Variants in BRF1 observed in about 807,000 individuals in gnomAD.
The protein encoded by BRF1 is transcription factor IIIB 90 kDa subunit.
BRF1 carries 59 observed loss-of-function variants against 81.7 expected under a neutral mutation model. The ratio of observed to expected loss-of-function variants is 0.72; its 90% CI spans 0.59 to 0.90. The LOEUF (loss-of-function observed/expected upper bound fraction) is 0.90, where lower values mean the gene tolerates loss of function less well. Ranked by LOEUF, BRF1 falls within the 40% of genes least tolerant of loss-of-function variation. The pLI, the probability that BRF1 is intolerant of heterozygous loss-of-function variation, is 0.00. For missense variants in BRF1, 1,050 were observed against 936.3 expected (o/e 1.12, Z -1.58); for synonymous variants, 491 against 395.6 (o/e 1.24, Z -2.86).
At position 105,217,597 on chromosome 14, in the gene BRF1, C is replaced by T. The variant is rs1566800558; in HGVS notation, c.1719G>A (p.Arg573=). ...CCCCACTTCTGCTGGCCGGCGTCCT[C>T]CTTCGTGACAGCTTCCTGGCACTGG... ...HSASARKLSR[R]RTPASRSGAD... Residue 573 remains arginine (R), a synonymous_variant, in exon 15 of 18, where the codon AGG becomes AGA. Coordinates refer to ENST00000547530, the MANE Select transcript of BRF1 (RefSeq NM_001519.4). The T allele has an allele frequency of 1.9e-6, 3 of 1,613,504 alleles. No homozygotes were observed. The highest frequency in any genetic ancestry group is 1.3e-5 in the African/African-American group (1 of 75,074).
rs1889958930 is a variant in BRF1, at chr14:105,210,642, A to G, written c.1997-54T>C. On this transcript the variant is annotated intron_variant, in intron 17 of 17. Transcript: ENST00000547530. The surrounding 1 kb of genome is among the most constrained non-coding windows in gnomAD (Gnocchi z 4.7). ...GGGTCTCTGTGGGACCCAGGAGCCC[A>G]GACCCCCCAACCCGCCCTGTTCCTG... 3 of 1,596,790 alleles carry G rather than the reference A, an allele frequency of 1.9e-6. No individual in the cohort carries two copies. The East Asian group carries it at 6.7e-5, about 36-fold the overall frequency.
At position 105,241,338 on chromosome 14, in the gene BRF1, G is replaced by C. The variant is rs1369792499; in HGVS notation, c.621C>G (p.Ala207=). The change falls in exon 6 of 18, where the codon GCC becomes GCG. Residue 207 remains alanine, a synonymous_variant. Transcript: ENST00000547530. ...GEKNHEVSMT[A]LRLLQRMKRD... ...GCTTCATCCTCTGTAGGAGCCTCAG[G>C]GCAGTCATGGACACCTCGTGGTTCT... is the stretch of plus-strand genomic sequence containing the variant. 1.2e-6 allele frequency: 2 copies of C among 1,612,786 alleles called. No individual in the cohort carries two copies. The highest frequency in any genetic ancestry group is 2.2e-5 in the East Asian group (1 of 44,886).
Position 105,210,370 on chromosome 14 carries a change from C to T in BRF1, c.*181G>A, listed in dbSNP as rs1179571173. 6 of 664,380 alleles carry T rather than the reference C, an allele frequency of 9.0e-6. No individual in the cohort carries two copies. The highest frequency in any genetic ancestry group is 1.5e-5 in the Non-Finnish European group (6 of 390,820). The allele number at this position is 664,380 out of a possible 1,614,324, so 41.2% of individuals were successfully genotyped here. A position where few individuals can be genotyped will look rare whatever the true frequency, so the allele number is the denominator to read the frequency against. On this transcript the variant is annotated 3_prime_UTR_variant, in exon 18 of 18. Transcript: ENST00000547530. The surrounding 1 kb of genome is among the most constrained non-coding windows in gnomAD (Gnocchi z 4.7). ...CAGACGCTTGGTCCGGTTTCCCTTG[C>T]TGAATAGAAACACAATCCCAATGGT...
intron 5 of BRF1, chr14:105,248,083 G>A: frequency 2.0e-6 from 2 of 985,422 alleles, no homozygotes; most frequent in Non-Finnish European, 2.4e-6. Context: ...ACCTCTCTGT[G>A]CCTATTTCCT....
upstream of BRF1, among the ~76,000 whole-genome samples, chr14:105,304,055 C>T (rs369839520): frequency 6.6e-6 from 1 of 152,214 alleles, no homozygotes; most frequent in East Asian, 1.9e-4. Flanking sequence ...GAGGTGCCTG[C>T]AGGTGCAAGG....
intron 1 of BRF1, chr14:105,314,788 C>T (rs1163970298): frequency 4.7e-6 from 1 of 212,316 alleles, no homozygotes; most frequent in Non-Finnish European, 7.9e-6. Context: ...ACGCCGGGGC[C>T]CGGCCCGTCC....
intron 11 of BRF1, 57 bp downstream of exon 11, chr14:105,221,591 A>G: frequency 6.4e-7 from 1 of 1,570,036 alleles, no homozygotes; most frequent in Non-Finnish European, 8.6e-7. Flanking sequence ...TGAGAGGCAC[A>G]CGCCTGAAAG....
At chr14:105,277,570 G>A (rs930115906) in intron 2 of BRF1, among the ~76,000 whole-genome samples, 1 of 145,068 alleles carries the variant, frequency 6.9e-6, no homozygotes, top group African/African-American at 2.5e-5. Flanking sequence ...CTGAGAGGCG[G>A]CCCTCACTAG....
At chr14:105,216,988 C>T (rs947313184) in intron 15 of BRF1, among the ~76,000 whole-genome samples, 2 of 152,216 alleles carry the variant, frequency 1.3e-5, no homozygotes, top group South Asian at 2.1e-4. Context: ...CGCCACCCAG[C>T]GGCAAGCTGT....
Position 105,211,198 on chromosome 14 carries a change from C to T in BRF1, c.1920G>A (p.Glu640=), listed in dbSNP as rs377051978. ...CGTCAGGCTCCTCCTCGTCAGCCTCCTCGTCGGCGTGGTATGACACGGGCC... is the reference window on the plus strand; with the variant it reads ...CGTCAGGCTCCTCCTCGTCAGCCTCTTCGTCGGCGTGGTATGACACGGGCC... ...ESGPVSYHAD[E]EADEEEPDEE... Residue 640 remains glutamate (E), a synonymous_variant, in exon 17 of 18, where the codon GAG becomes GAA. Transcript: ENST00000547530. The T allele has an allele frequency of 6.2e-7, 1 of 1,612,190 alleles. No homozygotes were observed. Among genetic ancestry groups the T allele is most frequent in the African/African-American group, 1.3e-5 (1 of 75,050 alleles).
chr14:105,312,931 T>C (rs116161850), intron 1 of BRF1, among the ~76,000 whole-genome samples: 2,766 of 152,314 alleles, frequency 0.018, 87 homozygotes, highest in African/African-American at 0.061. Flanking sequence ...GTGTGGGTCA[T>C]ATCCCGACCC....
intron 1 of BRF1, among the ~76,000 whole-genome samples, chr14:105,296,794 A>G (rs2057765744): frequency 6.6e-6 from 1 of 152,198 alleles, no homozygotes; most frequent in Non-Finnish European, 1.5e-5. Flanking sequence ...AGCAATGAAG[A>G]GTTGAAAACT....
chr14:105,226,181 GC>G lies in BRF1; in HGVS notation c.956-21del. 1 of 1,613,866 alleles carries G rather than the reference GC, an allele frequency of 6.2e-7. No individual in the cohort carries two copies. The highest frequency in any genetic ancestry group is 1.1e-5 in the South Asian group (1 of 91,088). On this transcript the variant is annotated intron_variant, in intron 9 of 17. Transcript: ENST00000547530. The stretch of plus-strand genomic sequence containing the variant: ...TTTCACCTGAAGTCATAAGTTAAAA[GC>G]AAAAAGTCAGCATAAAATCAATTTT...
rs370559216 is a variant in BRF1, at chr14:105,249,292, C to T, written c.544+3215G>A. 2.9e-5 allele frequency: 45 copies of T among 1,571,528 alleles called. No individual in the cohort carries two copies. The African/African-American group carries it at 3.8e-4, about 13-fold the overall frequency. On this transcript the variant is annotated intron_variant, in intron 5 of 17. Transcript: ENST00000547530. Reference sequence around the variant, plus strand: ...CTCGGAACGCGTGCCCCGTCCGCCCCGTCCGCCGTGTGGCTGACACGCAGC... The same window carrying T: ...CTCGGAACGCGTGCCCCGTCCGCCCTGTCCGCCGTGTGGCTGACACGCAGC...
At chr14:105,224,086 T>C (rs587770140) in intron 10 of BRF1, among the ~76,000 whole-genome samples, 1 of 152,362 alleles carries the variant, frequency 6.6e-6, no homozygotes, top group Admixed American at 6.5e-5. Flanking sequence ...TAAAAATCCA[T>C]CTGTAGCTGA....
chr14:105,283,059 T>C (rs1027184113), intron 2 of BRF1, among the ~76,000 whole-genome samples: 12 of 152,148 alleles, frequency 7.9e-5, no homozygotes, highest in African/African-American at 2.9e-4. Context: ...TCTCCAGAAG[T>C]ATTTGAAAAA....
intron 7 of BRF1, chr14:105,227,501 G>A (rs1893313616): frequency 6.6e-6 from 1 of 152,376 alleles, no homozygotes; most frequent in African/African-American, 2.4e-5. Context: ...TGGCACTCAG[G>A]CCTTGCCCCT....
chr14:105,241,600 A>C, intron 5 of BRF1, 186 bp from the exon 6 acceptor site: 1 of 765,442 alleles, frequency 1.3e-6, no homozygotes. Context: ...CACCGAACCC[A>C]GGAGAGCCAC....
rs587724899 is a variant in BRF1, at chr14:105,278,942, G to A, written c.266-6048C>T. Among the ~76,000 whole-genome samples, 4 of 152,256 alleles carry A rather than the reference G, an allele frequency of 2.6e-5. No individual in the cohort carries two copies. The South Asian group carries it at 8.3e-4, about 32-fold the overall frequency. On this transcript the variant is annotated intron_variant, in intron 2 of 17. Transcript: ENST00000547530. ...ACCTGTAATCCCAGCTACTCGGGAG[G>A]CTAAGGCAGGAGAATCGCTTGCACC...
Sources: allele counts gnomAD v4.1 joint callset (sites outside exome capture counted in the v4.1 genomes callset), GRCh38; gene constraint gnomAD v4.1.1; non-coding constraint Gnocchi (gnomAD v3.1); transcripts MANE v1.5; gene names NCBI Gene and HGNC (gene_info 2026-07-23, HGNC 2026-07-21).